The following LRP1B variants were observed in gnomAD, a reference collection of about 807,000 sequenced individuals.
The protein encoded by LRP1B is LDL receptor related protein 1B, also known as low-density lipoprotein receptor-related protein 1B.
A neutral mutation model predicts 556.6 loss-of-function variants in LRP1B; 217 were observed. That is an observed-to-expected ratio of 0.39 (90% CI 0.35 to 0.44). LRP1B has a LOEUF of 0.44. LRP1B is among the 20% of genes least tolerant of loss of function. The pLI is 1.00. For synonymous variants in LRP1B, 2,047 were observed against 1,865.8 expected (o/e 1.10, Z -2.50); for missense variants, 5,053 against 5,620.8 (o/e 0.90, Z 3.23).
intron 41 of LRP1B, chr2:140,683,447 A>C: frequency 1.8e-6 from 1 of 549,632 alleles, no homozygotes; most frequent in South Asian, 1.7e-5. Flanking sequence ...ACCTGGGGTC[A>C]TAGATCATGT....
In LRP1B at chr2:140,770,888, T is replaced by G. The variant is rs750023409; in HGVS notation, c.5619A>C (p.Ser1873=). The G allele has an allele frequency of 6.4e-7, 1 of 1,554,034 alleles. No homozygotes were observed. Among genetic ancestry groups the G allele is most frequent in the Admixed American group, 2.1e-5 (1 of 46,538 alleles). Residue 1873 remains serine (S), a synonymous_variant, in exon 34 of 91, where the codon TCA becomes TCC. Transcript: ENST00000389484. ...TTTTTCATGAACTCATACCTTGACA[T>G]GACATACGGTTCTTTTGGAGATAAT... ...VGYYLQKNRM[S]CQGIESFLMY... is the part of the protein sequence containing the mutation.
At chr2:141,186,018 G>C (rs1212823590) in intron 7 of LRP1B, among the ~76,000 whole-genome samples, 1 of 146,020 alleles carries the variant, frequency 6.8e-6, no homozygotes, top group African/African-American at 2.5e-5. Context: ...GGCAGAGGTT[G>C]CAGTGAGAGG....
chr2:141,074,569 GTCTC>G (rs368177753), intron 7 of LRP1B, among the ~76,000 whole-genome samples: 35 of 136,310 alleles, frequency 2.6e-4, no homozygotes, highest in East Asian at 8.4e-4. Context: ...CTGTCTCTCT[GTCTC>G]TCTCTCTCTC....
intron 18 of LRP1B, among the ~76,000 whole-genome samples, chr2:140,968,840 TTGAG>T (rs1370713326): frequency 1.3e-5 from 2 of 152,188 alleles, no homozygotes; most frequent in African/African-American, 4.8e-5. Context: ...TTGAGCGGTT[TTGAG>T]TGAGTTTCTT....
intron 32 of LRP1B, among the ~76,000 whole-genome samples, chr2:140,789,468 A>G (rs911514214): frequency 4.6e-5 from 7 of 151,952 alleles, no homozygotes; most frequent in African/African-American, 1.7e-4. Context: ...TAACCCTTCA[A>G]CTGGCTATGA....
At chr2:140,832,458 A>G (rs1691750021) in intron 31 of LRP1B, among the ~76,000 whole-genome samples, 1 of 152,248 alleles carries the variant, frequency 6.6e-6, no homozygotes, top group Non-Finnish European at 1.5e-5. Flanking sequence ...TACCTGCACT[A>G]GCATGTCTAT....
chr2:141,775,621 G>A (rs1253176705), intron 2 of LRP1B, among the ~76,000 whole-genome samples: 1 of 152,164 alleles, frequency 6.6e-6, no homozygotes, highest in East Asian at 1.9e-4. Flanking sequence ...CCTGGTGGCA[G>A]AGTGGAGTGA....
At chr2:141,059,602 T>G (rs1699281982) in intron 8 of LRP1B, among the ~76,000 whole-genome samples, 2 of 151,798 alleles carry the variant, frequency 1.3e-5, no homozygotes, top group Non-Finnish European at 2.9e-5. Flanking sequence ...ATCACATATT[T>G]GCAATCATTG....
chr2:141,046,574 ACTGTCAAAG>A (rs1698876108), intron 11 of LRP1B, among the ~76,000 whole-genome samples: 1 of 152,158 alleles, frequency 6.6e-6, no homozygotes, highest in South Asian at 2.1e-4. Flanking sequence ...TAACCTTCAT[ACTGTCAAAG>A]CAGTACTGGA....
At chr2:141,956,721 T>G (rs1701264573) in intron 1 of LRP1B, among the ~76,000 whole-genome samples, 1 of 152,126 alleles carries the variant, frequency 6.6e-6, no homozygotes, top group African/African-American at 2.4e-5. Context: ...GAATTCAACT[T>G]TATGTCCCTC....
intron 32 of LRP1B, among the ~76,000 whole-genome samples, chr2:140,780,863 G>A (rs1689673442): frequency 6.6e-6 from 1 of 152,134 alleles, no homozygotes; most frequent in Non-Finnish European, 1.5e-5. Context: ...ACAACTAGAA[G>A]GTAGCCAAAC....
chr2:142,083,703 T>C (rs561466581), intron 1 of LRP1B, among the ~76,000 whole-genome samples: 1 of 152,342 alleles, frequency 6.6e-6, no homozygotes, highest in Admixed American at 6.5e-5. Context: ...AAAAATGTTT[T>C]AAAGCAGGTG....
intron 2 of LRP1B, among the ~76,000 whole-genome samples, chr2:141,537,138 CT>C (rs1685094464): frequency 6.6e-6 from 1 of 151,932 alleles, no homozygotes; most frequent in Non-Finnish European, 1.5e-5. Flanking sequence ...TATCAAATAA[CT>C]ATTAAAGATT....
chr2:140,373,716 G>A (rs889329839), intron 68 of LRP1B, among the ~76,000 whole-genome samples: 3 of 152,130 alleles, frequency 2.0e-5, no homozygotes, highest in Non-Finnish European at 2.9e-5. Flanking sequence ...AGGATGTAGT[G>A]CGCGATGATG....
chr2:141,927,741 A>C (rs1700372460), intron 1 of LRP1B, among the ~76,000 whole-genome samples: 1 of 152,012 alleles, frequency 6.6e-6, no homozygotes, highest in Non-Finnish European at 1.5e-5. Flanking sequence ...CTGCACTTGC[A>C]TGAAAAGACT....
intron 2 of LRP1B, among the ~76,000 whole-genome samples, chr2:141,758,852 A>T: frequency 6.6e-6 from 1 of 152,268 alleles, no homozygotes; most frequent in African/African-American, 2.4e-5. Flanking sequence ...AATACTCCTT[A>T]GTTAATTAAT....
intron 6 of LRP1B, among the ~76,000 whole-genome samples, chr2:141,205,405 G>A (rs994399607): frequency 2.6e-5 from 4 of 152,180 alleles, no homozygotes; most frequent in African/African-American, 9.7e-5. Context: ...AGATAACAAT[G>A]AGAGTCCCAA....
At chr2:141,719,844 T>C (rs1416418941) in intron 2 of LRP1B, among the ~76,000 whole-genome samples, 1 of 152,070 alleles carries the variant, frequency 6.6e-6, no homozygotes, top group Non-Finnish European at 1.5e-5. Context: ...TAACCATAGA[T>C]ACTGGGGACT....
chr2:141,918,450 T>C (rs751770978), intron 1 of LRP1B, among the ~76,000 whole-genome samples: 49 of 151,774 alleles, frequency 3.2e-4, no homozygotes, highest in Non-Finnish European at 5.7e-4. Context: ...TATCGAGTGA[T>C]TTTTTTTCAG....
Sources: gnomAD v4.1 joint callset for allele counts (sites outside exome capture counted in the v4.1 genomes callset) on GRCh38, gnomAD v4.1.1 for gene constraint, MANE v1.5 for transcripts, NCBI Gene and HGNC (gene_info 2026-07-23, HGNC 2026-07-21) for gene names.